The following TACC2 variants were observed in gnomAD, a reference collection of about 807,000 sequenced individuals.
TACC2 encodes the protein transforming acidic coiled-coil-containing protein 2.
In TACC2, 137 loss-of-function variants were observed where a neutral mutation model predicts 227.3. That is an observed-to-expected ratio of 0.60 (90% confidence interval 0.52 to 0.69). The LOEUF (loss-of-function observed/expected upper bound fraction) is 0.69, where lower values mean the gene tolerates loss of function less well. TACC2 is among the 30% of genes least tolerant of loss of function. TACC2 has a pLI of 0.00. For synonymous variants in TACC2, 1,523 were observed against 1,487.5 expected (o/e 1.02, Z -0.55); for missense variants, 3,470 against 3,694.4 (o/e 0.94, Z 1.57).
chr10:122,078,522 T>A (rs1391570002), intron 3 of TACC2, among the ~76,000 whole-genome samples: 1 of 152,206 alleles, frequency 6.6e-6, no homozygotes, highest in African/African-American at 2.4e-5. Context: ...ACATCTGGTC[T>A]GTGATGGAGG....
In TACC2 at chr10:122,209,304, A is replaced by C. The variant is rs1199440561; in HGVS notation, c.5972-1093A>C. Among the ~76,000 whole-genome samples the C allele has an allele frequency of 2.0e-5, 3 of 152,170 alleles. No individual in the cohort carries two copies. In the South Asian group the frequency reaches 6.2e-4, roughly 32 times the overall value. ...CCGTGTACAGGCTCCCCTGATCTTC[A>C]CAGTGGCTCTGAGGAGTCAAGAACA... On this transcript the variant is annotated intron_variant, in intron 8 of 22. Transcript: ENST00000369005. The surrounding 1 kb of genome is among the most constrained non-coding windows in gnomAD (Gnocchi z 4.5).
rs41302697 is a variant in TACC2 at position 122,226,359 on chromosome 10, C to T, written c.7609-7C>T. The T allele has an allele frequency of 4.6e-3, 7,340 of 1,608,050 alleles. 24 individuals carry two copies. The highest frequency in any genetic ancestry group is 5.2e-3 in the Non-Finnish European group (6,149 of 1,175,038). ...CCCAAGCTGATATGTGATTTTGATC[C>T]CTGCAGCAGGACGACGATGCCCCGA... On this transcript the variant is annotated splice_polypyrimidine_tract_variant and splice_region_variant and intron_variant, in intron 12 of 22. Transcript: ENST00000369005.
chr10:122,003,701 G>C (rs1954700370), intron 1 of TACC2, among the ~76,000 whole-genome samples: 1 of 151,784 alleles, frequency 6.6e-6, no homozygotes, highest in Non-Finnish European at 1.5e-5. Context: ...TGTCACCCAG[G>C]CTGGAGTGCA....
At chr10:122,117,861 C>A (rs1448330490) in intron 5 of TACC2, among the ~76,000 whole-genome samples, 1 of 152,156 alleles carries the variant, frequency 6.6e-6, no homozygotes, top group African/African-American at 2.4e-5. Flanking sequence ...GCAGCTAGGC[C>A]ATATGGCCAT....
chr10:122,057,359 A>G (rs1039758285), intron 3 of TACC2, among the ~76,000 whole-genome samples: 4 of 152,098 alleles, frequency 2.6e-5, no homozygotes, highest in Non-Finnish European at 5.9e-5. Context: ...GCCAGAAGGA[A>G]TCCCAAGGGA....
At chr10:122,105,870 G>A (rs904050930) in intron 5 of TACC2, among the ~76,000 whole-genome samples, 59 of 150,602 alleles carry the variant, frequency 3.9e-4, no homozygotes, top group Non-Finnish European at 2.1e-4. Context: ...TGATCTGCCC[G>A]CCGCAGCCTC....
intron 6 of TACC2, among the ~76,000 whole-genome samples, chr10:122,135,294 A>G (rs2089378630): frequency 6.6e-6 from 1 of 152,144 alleles, no homozygotes; most frequent in Non-Finnish European, 1.5e-5. Flanking sequence ...AGTCCAAGGA[A>G]GGTAATGCAT....
chr10:122,162,402 A>G (rs1361613364), intron 7 of TACC2, among the ~76,000 whole-genome samples: 1 of 152,218 alleles, frequency 6.6e-6, no homozygotes, highest in Non-Finnish European at 1.5e-5. Context: ...GCCACAGTTT[A>G]GATACATTTT....
intron 2 of TACC2, chr10:122,033,098 AG>A: frequency 7.8e-7 from 1 of 1,289,322 alleles, no homozygotes; most frequent in Non-Finnish European, 1.0e-6. Flanking sequence ...TTTCAGCAGG[AG>A]GACTCCGTCT....
chr10:122,219,031 A>AAAAAAAAG (rs1555153659), intron 11 of TACC2, among the ~76,000 whole-genome samples: 4 of 72,776 alleles, frequency 5.5e-5, no homozygotes, highest in African/African-American at 1.8e-4. Flanking sequence ...AAAAAAAAAA[A>AAAAAAAAG]AAAAGAAAAG....
intron 15 of TACC2, 123 bp from the exon 16 acceptor site, chr10:122,230,228 C>T (rs531799845): frequency 2.9e-5 from 22 of 764,134 alleles, no homozygotes; most frequent in Middle Eastern, 2.3e-4. Flanking sequence ...AGGCGGAGCG[C>T]GTGTTTTTCC....
intron 5 of TACC2, among the ~76,000 whole-genome samples, chr10:122,107,143 C>G (rs533214304): frequency 2.8e-4 from 42 of 152,316 alleles, no homozygotes; most frequent in Admixed American, 2.2e-3. Flanking sequence ...AGTAAGGAAA[C>G]AAGGAGGAAG....
intron 16 of TACC2, among the ~76,000 whole-genome samples, chr10:122,234,011 T>C (rs2095810092): frequency 6.6e-6 from 1 of 152,204 alleles, no homozygotes; most frequent in African/African-American, 2.4e-5. Context: ...CCATGCACCG[T>C]GGCCTTGGTC....
intron 3 of TACC2, among the ~76,000 whole-genome samples, chr10:122,070,087 G>A (rs1241605035): frequency 6.6e-6 from 1 of 152,114 alleles, no homozygotes; most frequent in Non-Finnish European, 1.5e-5. Context: ...AAATAGACTG[G>A]CAATGAGGAT....
chr10:122,133,934 G>T (rs941099561), intron 6 of TACC2, among the ~76,000 whole-genome samples: 2 of 152,206 alleles, frequency 1.3e-5, no homozygotes, highest in Non-Finnish European at 1.5e-5. Flanking sequence ...CCAGATGAGG[G>T]GGGGACAGGG....
intron 1 of TACC2, among the ~76,000 whole-genome samples, chr10:121,996,787 C>T (rs1590847792): frequency 6.6e-6 from 1 of 152,056 alleles, no homozygotes; most frequent in Admixed American, 6.6e-5. Context: ...ATCATCTAAG[C>T]AGAGACATTG....
chr10:122,202,557 T>C (rs1401996052), intron 8 of TACC2, among the ~76,000 whole-genome samples: 1 of 148,242 alleles, frequency 6.7e-6, no homozygotes, highest in Non-Finnish European at 1.5e-5. Context: ...CCTGTCTTCC[T>C]CTCTGTTAGG....
chr10:122,071,082 T>C (rs972500989), intron 3 of TACC2, among the ~76,000 whole-genome samples: 3 of 152,242 alleles, frequency 2.0e-5, no homozygotes, highest in African/African-American at 4.8e-5. Context: ...AGGGCTTAAC[T>C]TAAAATTAAG....
At chr10:122,183,358 C>G (rs2094045638) in intron 7 of TACC2, among the ~76,000 whole-genome samples, 1 of 152,160 alleles carries the variant, frequency 6.6e-6, no homozygotes, top group African/African-American at 2.4e-5. Context: ...CTCCCGTTGG[C>G]TCTATGATGG....
Sources: gnomAD v4.1 joint callset for allele counts (sites outside exome capture counted in the v4.1 genomes callset) on GRCh38, gnomAD v4.1.1 for gene constraint, Gnocchi (gnomAD v3.1) non-coding constraint, MANE v1.5 for transcripts, NCBI Gene and HGNC (gene_info 2026-07-23, HGNC 2026-07-21) for gene names.